The following EML4 variants were observed in gnomAD, a reference collection of about 807,000 sequenced individuals.
EML4 encodes EMAP like 4, also known as echinoderm microtubule-associated protein-like 4.
In EML4, 72 loss-of-function variants were observed where a neutral mutation model predicts 129.0. The observed-to-expected ratio is 0.56, with a 90% CI of 0.46 to 0.68. The LOEUF (loss-of-function observed/expected upper bound fraction) is 0.68. Ranked by LOEUF, EML4 falls within the 30% of genes least tolerant of loss-of-function variation. EML4 has a pLI of 0.00. For missense variants in EML4, 1,363 were observed against 1,190.6 expected, an observed-to-expected ratio of 1.14 and a Z score of -2.13; for synonymous variants, 532 against 405.0, an observed-to-expected ratio of 1.31 and a Z score of -3.77.
chr2:42,178,171 C>T (rs1456711697), intron 1 of EML4, among the ~76,000 whole-genome samples: 1 of 152,146 alleles, frequency 6.6e-6, no homozygotes, highest in East Asian at 1.9e-4. Context: ...CAGGCAAACT[C>T]AGTATGTAAA....
At chr2:42,193,990 T>G (rs1286044469) in intron 1 of EML4, among the ~76,000 whole-genome samples, 1 of 152,208 alleles carries the variant, frequency 6.6e-6, no homozygotes, top group Non-Finnish European at 1.5e-5. Flanking sequence ...TGACCTGCAG[T>G]CTTATTTTAA....
At chr2:42,261,065 G>A in intron 3 of EML4, 56 bp from the exon 4 acceptor site, 4 of 1,335,102 alleles carry the variant, frequency 3.0e-6, no homozygotes, top group East Asian at 2.3e-5. Context: ...TCTATCGTTT[G>A]ATTTTTTTTC....
chr2:42,224,544 T>C (rs1673827497), intron 1 of EML4, among the ~76,000 whole-genome samples: 1 of 152,134 alleles, frequency 6.6e-6, no homozygotes, highest in South Asian at 2.1e-4. Context: ...GTCATCTGTC[T>C]TTATTTCTCT....
chr2:42,284,379 C>T (rs1386412825), intron 8 of EML4, among the ~76,000 whole-genome samples: 1 of 152,134 alleles, frequency 6.6e-6, no homozygotes, highest in Non-Finnish European at 1.5e-5. Context: ...GAAAACAGTT[C>T]GTTAGCATGC....
intron 19 of EML4, among the ~76,000 whole-genome samples, chr2:42,324,151 C>CTT (rs1233869091): frequency 1.3e-5 from 2 of 151,600 alleles, no homozygotes; most frequent in African/African-American, 4.9e-5. Context: ...AAAAAATTAG[C>CTT]TGGGATGGTG....
At chr2:42,210,345 A>T (rs189018591) in intron 1 of EML4, among the ~76,000 whole-genome samples, 216 of 152,178 alleles carry the variant, frequency 1.4e-3, no homozygotes, top group African/African-American at 5.1e-3. Flanking sequence ...AATTTGTCTG[A>T]TGTTTTGGGG....
intron 1 of EML4, among the ~76,000 whole-genome samples, chr2:42,214,481 T>C (rs1673063926): frequency 6.6e-6 from 1 of 152,182 alleles, no homozygotes; most frequent in South Asian, 2.1e-4. Flanking sequence ...ATGAATGTAT[T>C]GCTAAAAATG....
intron 17 of EML4, among the ~76,000 whole-genome samples, chr2:42,313,787 G>T (rs1456618854): frequency 2.0e-5 from 3 of 151,816 alleles, no homozygotes; most frequent in Admixed American, 6.6e-5. Context: ...AAATTATCTG[G>T]GCGTGGTGGC....
intron 1 of EML4, among the ~76,000 whole-genome samples, chr2:42,237,617 A>T (rs1187128213): frequency 6.6e-6 from 1 of 152,186 alleles, no homozygotes; most frequent in Admixed American, 6.5e-5. Flanking sequence ...CAAAAACCTG[A>T]CTACTGATAG....
Position 42,303,132 on chromosome 2 carries a change from C to T in EML4, c.1670C>T (p.Ala557Val), listed in dbSNP as rs1668385998. ...EVPDQYGTIR[A>V]VAEGKADQFL... ...CCTGATCAGTATGGCACAATCAGAGCTGTAGCAGAAGGAAAGGCAGATCAA... is the reference window on the plus strand; with the variant it reads ...CCTGATCAGTATGGCACAATCAGAGTTGTAGCAGAAGGAAAGGCAGATCAA... Residue 557 changes from alanine (A) to valine (V), a missense_variant, in exon 15 of 23, where the codon GCT (alanine) becomes GTT (valine). Transcript: ENST00000318522. 1.2e-6 allele frequency: 2 copies of T among 1,613,872 alleles called. No homozygotes were observed. Among genetic ancestry groups the T allele is most frequent in the Admixed American group, 3.3e-5 (2 of 59,992 alleles).
intron 6 of EML4, among the ~76,000 whole-genome samples, chr2:42,266,180 A>G (rs1268626923): frequency 1.3e-5 from 2 of 152,258 alleles, no homozygotes; most frequent in East Asian, 1.9e-4. Context: ...TCTTTAGGTC[A>G]TTTGTTTTTA....
chr2:42,327,156 C>T (rs746097545), intron 21 of EML4, among the ~76,000 whole-genome samples: 2 of 152,300 alleles, frequency 1.3e-5, no homozygotes, highest in Non-Finnish European at 1.5e-5. Context: ...GGTTTATCCA[C>T]GTTGTAGCAT....
chr2:42,330,369 A>G lies in EML4; in HGVS notation c.*162A>G. On this transcript the variant is annotated 3_prime_UTR_variant, in exon 23 of 23. Coordinates refer to ENST00000318522, the MANE Select transcript of EML4 (RefSeq NM_019063.5). ...GTCTTATTTTCAGTCTCTCAAATAC[A>G]GCCAACTTAAAGTTTTAGTTTGGTG... 2.8e-6 allele frequency: 2 copies of G among 720,092 alleles called. No homozygotes were observed. Among genetic ancestry groups the G allele is most frequent in the Non-Finnish European group, 4.9e-6 (2 of 406,232 alleles). The allele number at this position is 720,092 out of a possible 1,614,324, so 44.6% of individuals were successfully genotyped here.
chr2:42,255,072 G>T (rs576610326), intron 2 of EML4, among the ~76,000 whole-genome samples: 5 of 151,630 alleles, frequency 3.3e-5, no homozygotes. Flanking sequence ...ATGGATACGC[G>T]GTTTTTGTTT....
intron 2 of EML4, among the ~76,000 whole-genome samples, chr2:42,254,292 G>A (rs1020601383): frequency 6.6e-5 from 10 of 151,606 alleles, no homozygotes; most frequent in South Asian, 2.1e-4. Context: ...CTGTCTCTAC[G>A]AAAAAAATAT....
Position 42,282,898 on chromosome 2 carries a change from A to G in EML4, c.867A>G (p.Ala289=). ...CCGGGAAAATAGTTTATTTCATTGC[A>G]TCAGTAGTAGTACTATTTAATTATG... is the stretch of plus-strand genomic sequence containing the variant. ...LPTGKIVYFI[A]SVVVLFNYEE... The change falls in exon 8 of 23, where the codon GCA becomes GCG. Residue 289 remains alanine, a synonymous_variant. Transcript: ENST00000318522. 6.2e-7 allele frequency: 1 copy of G among 1,611,978 alleles called. No individual in the cohort carries two copies. The highest frequency in any genetic ancestry group is 8.5e-7 in the Non-Finnish European group (1 of 1,178,022).
intron 19 of EML4, among the ~76,000 whole-genome samples, chr2:42,319,366 T>C (rs1162583968): frequency 6.6e-6 from 1 of 152,240 alleles, no homozygotes; most frequent in African/African-American, 2.4e-5. Flanking sequence ...GTCAAATGCA[T>C]GAGACTTGTC....
At chr2:42,307,332 G>T (rs990663701) in intron 17 of EML4, among the ~76,000 whole-genome samples, 6 of 152,230 alleles carry the variant, frequency 3.9e-5, no homozygotes, top group African/African-American at 1.4e-4. Context: ...TCTTGGAGTT[G>T]TAAGTAGAAA....
At chr2:42,267,864 AG>A (rs1666150292) in intron 6 of EML4, among the ~76,000 whole-genome samples, 1 of 152,198 alleles carries the variant, frequency 6.6e-6, no homozygotes, top group Admixed American at 6.5e-5. Flanking sequence ...ATAAAGTCCT[AG>A]CATGTCAACT....
Sources: allele counts gnomAD v4.1 joint callset (sites outside exome capture counted in the v4.1 genomes callset), GRCh38; gene constraint gnomAD v4.1.1; transcripts MANE v1.5; gene names NCBI Gene and HGNC (gene_info 2026-07-23, HGNC 2026-07-21).